The following NUP88 variants were observed in gnomAD, a reference collection of about 807,000 sequenced individuals.
The protein encoded by NUP88 is nucleoporin 88, also known as nuclear pore complex protein Nup88.
Under a neutral mutation model 93.9 loss-of-function variants are expected in NUP88, and 57 were observed. That is an observed-to-expected ratio of 0.61 (90% CI 0.49 to 0.76). The LOEUF is 0.76. Among genes scored for constraint, NUP88 ranks in the 30% least tolerant of loss-of-function variants. The pLI is 0.00. For missense variants in NUP88, 911 were observed against 901.0 expected (o/e 1.01, Z -0.14); for synonymous variants, 346 against 336.8 (o/e 1.03, Z -0.30).
chr17:5,388,720 G>A (rs1912213399), intron 11 of NUP88, 82 bp downstream of exon 11: 1 of 1,250,988 alleles, frequency 8.0e-7, no homozygotes, highest in Admixed American at 2.3e-5. Context: ...ATATGAAACA[G>A]ATGAGGACAG....
intron 5 of NUP88, among the ~76,000 whole-genome samples, chr17:5,407,503 C>T (rs561497908): frequency 2.6e-5 from 4 of 152,290 alleles, no homozygotes; most frequent in Admixed American, 6.5e-5. Flanking sequence ...GATTTACAAG[C>T]GAATAAACTC....
intron 1 of NUP88, 92 bp from the exon 2 acceptor site, chr17:5,416,774 C>T (rs1245026733): frequency 4.2e-6 from 4 of 953,750 alleles, no homozygotes; most frequent in East Asian, 2.7e-5. Flanking sequence ...TAGTTTACTA[C>T]AATTATAGGA....
rs568130148 is a variant in NUP88 at position 5,391,375 on chromosome 17, T to C, written c.1484+186A>G. On this transcript the variant is annotated intron_variant, in intron 10 of 16. Coordinates refer to ENST00000573584, the MANE Select transcript of NUP88 (RefSeq NM_002532.6). ...TAGGTGCAGGGGATGCCAGAAACTA[T>C]ACCTACAATGAAACCTTATAGAGAT... The C allele has an allele frequency of 8.5e-4, 466 of 547,212 alleles. 6 individuals are homozygous for C. The South Asian group carries it at 0.011, about 12-fold the overall frequency. The allele number at this position is 547,212 out of a possible 1,614,324, so 33.9% of individuals were successfully genotyped here. A position where few individuals can be genotyped will look rare whatever the true frequency, so the allele number is the denominator to read the frequency against.
rs60311914 is a variant in NUP88 at position 5,415,692 on chromosome 17, T to C, written c.467+821A>G. Among the ~76,000 whole-genome samples, 1,328 of 152,234 alleles carry C rather than the reference T, an allele frequency of 8.7e-3. 25 individuals carry two copies. Among genetic ancestry groups the C allele is most frequent in the African/African-American group, 0.03 (1,262 of 41,530 alleles). On this transcript the variant is annotated intron_variant, in intron 2 of 16. Coordinates refer to ENST00000573584, the MANE Select transcript of NUP88 (RefSeq NM_002532.6). ...TGTTGAAAAATCCTACGTTGAACCA[T>C]CCTAAATCGGGGATCCTCTGCTGTG...
chr17:5,406,065 G>A (rs1372628010), intron 5 of NUP88, among the ~76,000 whole-genome samples: 1 of 152,188 alleles, frequency 6.6e-6, no homozygotes, highest in South Asian at 2.1e-4. Context: ...TTGAGTGCTA[G>A]ATGATACTCC....
chr17:5,414,707 T>C (rs964769861), intron 2 of NUP88, among the ~76,000 whole-genome samples: 2 of 151,872 alleles, frequency 1.3e-5, no homozygotes, highest in African/African-American at 4.8e-5. Context: ...TCACCTGAGG[T>C]CAGGAGTTTG....
intron 7 of NUP88, among the ~76,000 whole-genome samples, chr17:5,401,997 A>G (rs1347099726): frequency 2.0e-5 from 3 of 152,230 alleles, no homozygotes; most frequent in Admixed American, 2.0e-4. Context: ...TTAGTTTCAC[A>G]TATGAAAATG....
chr17:5,413,866 A>G (rs1913983137), intron 3 of NUP88, 143 bp downstream of exon 3: 1 of 793,676 alleles, frequency 1.3e-6, no homozygotes, highest in Non-Finnish European at 2.0e-6. Flanking sequence ...AATTCTTATG[A>G]TTGAGAATGG....
chr17:5,416,831 A>C (rs1455675372), intron 1 of NUP88, 149 bp from the exon 2 acceptor site: 1 of 550,340 alleles, frequency 1.8e-6, no homozygotes, highest in Non-Finnish European at 2.7e-6. Context: ...TTAACTCACA[A>C]ATTTTTTTTT....
At chr17:5,417,506 G>C (rs1231224233) in intron 1 of NUP88, among the ~76,000 whole-genome samples, 4 of 151,760 alleles carry the variant, frequency 2.6e-5, no homozygotes, top group Non-Finnish European at 2.9e-5. Flanking sequence ...AAAATGACAA[G>C]GGCAGACCCA....
intron 11 of NUP88, 153 bp from the exon 12 acceptor site, chr17:5,388,057 T>A (rs2003466): frequency 0.42 from 295,995 of 698,234 alleles, 69,111 homozygotes; most frequent in East Asian, 0.84. Flanking sequence ...CTGGAGTGCA[T>A]TGGTGCTATC....
intron 10 of NUP88, 163 bp downstream of exon 10, chr17:5,391,398 G>A (rs1433412603): frequency 3.3e-6 from 2 of 602,426 alleles, no homozygotes; most frequent in Non-Finnish European, 5.9e-6. Flanking sequence ...ACCTTATAGA[G>A]ATGATGGCAG....
At chr17:5,399,013 C>T (rs1002291493) in intron 8 of NUP88, among the ~76,000 whole-genome samples, 19 of 151,888 alleles carry the variant, frequency 1.3e-4, no homozygotes, top group African/African-American at 4.6e-4. Context: ...CTCAGTCTCC[C>T]GAGTAGCTGG....
chr17:5,387,181 A>T, intron 14 of NUP88, 71 bp from the exon 15 acceptor site: 2 of 1,533,592 alleles, frequency 1.3e-6, no homozygotes, highest in South Asian at 1.2e-5. Flanking sequence ...TCACAAGCTC[A>T]TAATTCATGA....
rs564537390 is a variant in NUP88 at position 5,398,974 on chromosome 17, C to A, written c.1291+578G>T. ...CGTGATCTTGGCTCACTGCAAGCTCCGCCTCCCAGGTTCACACCATTCTCC... is the reference window on the plus strand; with the variant it reads ...CGTGATCTTGGCTCACTGCAAGCTCAGCCTCCCAGGTTCACACCATTCTCC... On this transcript the variant is annotated intron_variant, in intron 8 of 16. Coordinates refer to ENST00000573584, the MANE Select transcript of NUP88 (RefSeq NM_002532.6). Among the ~76,000 whole-genome samples the A allele has an allele frequency of 8.6e-5, 13 of 151,030 alleles. No individual in the cohort carries two copies. In the South Asian group the frequency reaches 2.7e-3, roughly 32 times the overall value.
chr17:5,388,152 C>T (rs920232208), intron 11 of NUP88: 10 of 284,182 alleles, frequency 3.5e-5, no homozygotes, highest in Middle Eastern at 1.2e-3. Context: ...AGGTGCCCAC[C>T]ACCACGCCTG....
At chr17:5,389,242 G>A (rs1912254644) in intron 10 of NUP88, among the ~76,000 whole-genome samples, 1 of 152,178 alleles carries the variant, frequency 6.6e-6, no homozygotes, top group East Asian at 1.9e-4. Flanking sequence ...TCTTGGCAAA[G>A]GACTTGAAAG....
At chr17:5,406,898 T>C (rs1037596626) in intron 5 of NUP88, among the ~76,000 whole-genome samples, 6 of 152,204 alleles carry the variant, frequency 3.9e-5, no homozygotes, top group Non-Finnish European at 7.3e-5. Context: ...GCTTGGTGTA[T>C]ACTTTCGAAA....
In NUP88 at chr17:5,408,769, C is replaced by A; in HGVS notation, c.821G>T (p.Gly274Val). Residue 274 changes from glycine to valine, a missense_variant, in exon 5 of 17, where the codon GGA becomes GTA. Coordinates refer to ENST00000573584, the MANE Select transcript of NUP88 (RefSeq NM_002532.6). ...ACTGATGTATGTCAGGAAAGTCTCT[C>A]CATTTTCATATAAGATGTACAGTGG... The part of the protein sequence containing the change: ...AYPLYILYEN[G>V]ETFLTYISLL... 2 of 1,611,596 alleles carry A rather than the reference C, an allele frequency of 1.2e-6. No homozygotes were observed. The highest frequency in any genetic ancestry group is 1.7e-6 in the Non-Finnish European group (2 of 1,179,286).
Sources: allele counts gnomAD v4.1 joint callset (sites outside exome capture counted in the v4.1 genomes callset), GRCh38; gene constraint gnomAD v4.1.1; transcripts MANE v1.5; gene names NCBI Gene and HGNC (gene_info 2026-07-23, HGNC 2026-07-21).